Variants in PCSK5 observed in about 807,000 individuals in gnomAD.
PCSK5 encodes proprotein convertase subtilisin/kexin type 5.
In PCSK5, 129 loss-of-function variants were observed where a neutral mutation model predicts 233.2. The ratio of observed to expected loss-of-function variants is 0.55; its 90% CI spans 0.48 to 0.64. The LOEUF is 0.64. Among genes scored for constraint, PCSK5 ranks in the 30% least tolerant of loss-of-function variants. The pLI is 0.00. For synonymous variants in PCSK5, 825 were observed against 879.2 expected, an observed-to-expected ratio of 0.94 and a Z score of 1.09; for missense variants, 2,076 against 2,430.1, an observed-to-expected ratio of 0.85 and a Z score of 3.06.
At chr9:75,942,107 C>A (rs753837887) in intron 2 of PCSK5, among the ~76,000 whole-genome samples, 1 of 152,184 alleles carries the variant, frequency 6.6e-6, no homozygotes, top group Non-Finnish European at 1.5e-5. Flanking sequence ...AGGAGCTCAC[C>A]GGGCATGCGC....
chr9:76,140,837 A>G (rs1823185314), intron 10 of PCSK5, among the ~76,000 whole-genome samples: 1 of 152,054 alleles, frequency 6.6e-6, no homozygotes, highest in Admixed American at 6.6e-5. Flanking sequence ...CAGCCTATCA[A>G]CTCTAGTAAT....
intron 1 of PCSK5, among the ~76,000 whole-genome samples, chr9:75,912,586 G>A (rs1053688175): frequency 4.6e-5 from 7 of 152,180 alleles, no homozygotes; most frequent in Non-Finnish European, 8.8e-5. Context: ...AATGCTTTGA[G>A]GAGGAAGCCT....
chr9:76,217,227 C>G (rs1825568226), intron 20 of PCSK5, among the ~76,000 whole-genome samples: 1 of 152,150 alleles, frequency 6.6e-6, no homozygotes, highest in African/African-American at 2.4e-5. Context: ...AAGTTTGGAG[C>G]AATTGAACTC....
Position 76,358,115 on chromosome 9 carries a change from CCTT to C in PCSK5, c.5255-394_5255-392del, listed in dbSNP as rs531371536. 2.6e-5 allele frequency among the ~76,000 whole-genome samples: 4 copies of C among 152,284 alleles called. No individual in the cohort carries two copies. In the East Asian group the frequency reaches 7.7e-4, roughly 29 times the overall value. ...GAACTCCCTTTGGATGGCAAACTGACCTTCTTTCTAGAAGGATTTATTGGCTTC... is the reference window on the plus strand; with the variant it reads ...GAACTCCCTTTGGATGGCAAACTGACCTTTCTAGAAGGATTTATTGGCTTC... On this transcript the variant is annotated intron_variant, in intron 37 of 37. Coordinates refer to ENST00000674117, the MANE Select transcript of PCSK5 (RefSeq NM_001372043.1).
intron 12 of PCSK5, among the ~76,000 whole-genome samples, chr9:76,163,871 T>G (rs1199941641): frequency 5.8e-4 from 72 of 123,548 alleles, no homozygotes; most frequent in African/African-American, 2.1e-3. Context: ...TTTTTTTTTT[T>G]TTTTTTTTCC....
intron 24 of PCSK5, among the ~76,000 whole-genome samples, chr9:76,272,448 A>C (rs1827544844): frequency 6.6e-6 from 1 of 151,952 alleles, no homozygotes; most frequent in African/African-American, 2.4e-5. Flanking sequence ...ACTGCCTACA[A>C]ATCTAAAATG....
At chr9:75,976,421 C>CT (rs1450126690) in intron 2 of PCSK5, among the ~76,000 whole-genome samples, 2 of 151,454 alleles carry the variant, frequency 1.3e-5, no homozygotes, top group Non-Finnish European at 2.9e-5. Context: ...GGGAGCTATC[C>CT]TTTTTTTTCC....
At chr9:76,265,119 G>T in intron 24 of PCSK5, among the ~76,000 whole-genome samples, 1 of 152,142 alleles carries the variant, frequency 6.6e-6, no homozygotes, top group Non-Finnish European at 1.5e-5. Context: ...CATGGATGCA[G>T]ATGGAGGCCA....
Position 76,095,884 on chromosome 9 carries a change from G to T in PCSK5, c.895-6G>T. 6.2e-7 allele frequency: 1 copy of T among 1,613,590 alleles called. No individual in the cohort carries two copies. The highest frequency in any genetic ancestry group is 1.7e-4 in the Middle Eastern group (1 of 6,056). ...CCATCATTTAGCTTTCTCTGTTTGT[G>T]AACAGGGGCGGAGAGGCCTCGGCTC... On this transcript the variant is annotated splice_region_variant and splice_polypyrimidine_tract_variant and intron_variant, in intron 7 of 37. Coordinates refer to ENST00000674117, the MANE Select transcript of PCSK5 (RefSeq NM_001372043.1).
chr9:76,029,827 T>A (rs1828581470), intron 5 of PCSK5, among the ~76,000 whole-genome samples: 1 of 152,212 alleles, frequency 6.6e-6, no homozygotes, highest in Non-Finnish European at 1.5e-5. Context: ...CTTAAGGGGC[T>A]ATTATTGACT....
intron 10 of PCSK5, among the ~76,000 whole-genome samples, chr9:76,134,793 A>T (rs1822904841): frequency 6.6e-6 from 1 of 152,056 alleles, no homozygotes; most frequent in African/African-American, 2.4e-5. Context: ...ACAAGTACTG[A>T]ATATTTTCCC....
At chr9:76,275,048 C>T (rs781569712) in intron 24 of PCSK5, among the ~76,000 whole-genome samples, 1 of 152,112 alleles carries the variant, frequency 6.6e-6, no homozygotes, top group Non-Finnish European at 1.5e-5. Context: ...AGGATCCACC[C>T]ATATGACCCA....
chr9:76,351,194 A>T (rs1364320037), intron 36 of PCSK5, among the ~76,000 whole-genome samples: 1 of 152,078 alleles, frequency 6.6e-6, no homozygotes, highest in Non-Finnish European at 1.5e-5. Flanking sequence ...TGAATTCTAC[A>T]TTTGTTATTC....
At chr9:76,242,133 T>C (rs1003256439) in intron 24 of PCSK5, among the ~76,000 whole-genome samples, 3 of 152,198 alleles carry the variant, frequency 2.0e-5, no homozygotes, top group South Asian at 2.1e-4. Flanking sequence ...AGGGGATACA[T>C]GTGATACTTT....
rs1184730570 is a variant in PCSK5, at chr9:75,907,749, G to C, written c.192+16376G>C. Reference sequence around the variant, plus strand: ...AGTCTTTTGTCTATTGGAGCAGTGGGAAGAACAGCACAGAGTTCCCTAATG... The same window carrying C: ...AGTCTTTTGTCTATTGGAGCAGTGGCAAGAACAGCACAGAGTTCCCTAATG... On this transcript the variant is annotated intron_variant, in intron 1 of 37. Transcript: ENST00000674117. Among the ~76,000 whole-genome samples the C allele has an allele frequency of 3.3e-5, 5 of 152,304 alleles. No homozygotes were observed. The East Asian group carries it at 9.7e-4, about 29-fold the overall frequency.
intron 5 of PCSK5, among the ~76,000 whole-genome samples, chr9:76,038,154 C>T (rs192038976): frequency 2.4e-4 from 36 of 152,286 alleles, no homozygotes; most frequent in African/African-American, 7.9e-4. Flanking sequence ...CAAAGGATCA[C>T]ACCCCCTCCC....
intron 20 of PCSK5, among the ~76,000 whole-genome samples, chr9:76,223,146 A>T (rs73650496): frequency 0.038 from 5,748 of 152,320 alleles, 367 homozygotes; most frequent in African/African-American, 0.13. Context: ...CTTACCAATC[A>T]TCTTGCTAAA....
At chr9:76,358,184 A>G (rs894006191) in intron 37 of PCSK5, among the ~76,000 whole-genome samples, 2 of 152,090 alleles carry the variant, frequency 1.3e-5, no homozygotes, top group African/African-American at 2.4e-5. Context: ...ACATACTCCA[A>G]TTTTATACAG....
intron 32 of PCSK5, among the ~76,000 whole-genome samples, chr9:76,324,600 T>C (rs572066142): frequency 1.0e-3 from 157 of 152,182 alleles, no homozygotes; most frequent in Middle Eastern, 3.4e-3. Flanking sequence ...TGCTCCAAGG[T>C]CCCCATTTCC....
Sources: allele counts gnomAD v4.1 joint callset (sites outside exome capture counted in the v4.1 genomes callset), GRCh38; gene constraint gnomAD v4.1.1; transcripts MANE v1.5; gene names NCBI Gene and HGNC (gene_info 2026-07-23, HGNC 2026-07-21).